ATRNL1: variants seen among roughly 807,000 people sequenced by gnomAD.
ATRNL1 encodes attractin-like protein 1.
ATRNL1 carries 95 observed loss-of-function variants against 182.7 expected under a neutral mutation model. That is an observed-to-expected ratio of 0.52 (90% CI 0.44 to 0.62). The LOEUF (loss-of-function observed/expected upper bound fraction) is 0.62, where lower values mean the gene tolerates loss of function less well. Ranked by LOEUF, ATRNL1 falls within the 20% of genes least tolerant of loss-of-function variation. ATRNL1 has a pLI of 0.00. For synonymous variants in ATRNL1, 576 were observed against 568.3 expected (o/e 1.01, Z -0.19); for missense variants, 1,471 against 1,679.5 (o/e 0.88, Z 2.17).
chr10:115,095,548 G>C (rs1016672173), intron 1 of ATRNL1, among the ~76,000 whole-genome samples: 1 of 151,998 alleles, frequency 6.6e-6, no homozygotes, highest in Admixed American at 6.6e-5. Context: ...TATGCAATAG[G>C]TTGAAATTTT....
Position 115,757,100 on chromosome 10 carries a change from G to C in ATRNL1, c.3903+29745G>C, listed in dbSNP as rs562148620. Among the ~76,000 whole-genome samples, 6 of 152,158 alleles carry C rather than the reference G, an allele frequency of 3.9e-5. No individual in the cohort carries two copies. The East Asian group carries it at 1.2e-3, about 29-fold the overall frequency. ...TGAATATAGCACACTAATGGGTCTT[G>C]ACTGTTTATCCAATTTGCCAGTCTG... On this transcript the variant is annotated intron_variant, in intron 27 of 28. Transcript: ENST00000355044.
intron 27 of ATRNL1, among the ~76,000 whole-genome samples, chr10:115,834,734 TC>T (rs1310811234): frequency 1.3e-5 from 2 of 152,064 alleles, no homozygotes; most frequent in Non-Finnish European, 2.9e-5. Flanking sequence ...CCTCACACCT[TC>T]CCCTACTACC....
chr10:115,385,144 T>C (rs1858262935), intron 19 of ATRNL1, among the ~76,000 whole-genome samples: 1 of 152,114 alleles, frequency 6.6e-6, no homozygotes, highest in South Asian at 2.1e-4. Context: ...TTCAAAGTAA[T>C]TGTATCATTG....
At chr10:115,181,755 C>T (rs550545530) in intron 8 of ATRNL1, among the ~76,000 whole-genome samples, 5 of 151,420 alleles carry the variant, frequency 3.3e-5, no homozygotes, top group East Asian at 3.9e-4. Context: ...TTGCGGTGCC[C>T]GAAGTATTTT....
chr10:115,628,340 T>A (rs782079737), intron 26 of ATRNL1, among the ~76,000 whole-genome samples: 2 of 152,246 alleles, frequency 1.3e-5, no homozygotes, highest in Admixed American at 6.5e-5. Flanking sequence ...ATGTTGAACA[T>A]CTTTTCATAT....
At chr10:115,433,503 A>G (rs1846259902) in intron 21 of ATRNL1, among the ~76,000 whole-genome samples, 2 of 152,160 alleles carry the variant, frequency 1.3e-5, no homozygotes, top group Admixed American at 1.3e-4. Flanking sequence ...CTAAATTCTT[A>G]TATTTACCAG....
At chr10:115,533,008 C>A (rs1414256491) in intron 25 of ATRNL1, among the ~76,000 whole-genome samples, 1 of 151,934 alleles carries the variant, frequency 6.6e-6, no homozygotes, top group South Asian at 2.1e-4. Context: ...CTGCTGGATT[C>A]GGTTTGCCAG....
intron 27 of ATRNL1, among the ~76,000 whole-genome samples, chr10:115,759,841 A>ATTTTTTTTTTTT (rs58578796): frequency 2.2e-3 from 139 of 62,680 alleles, no homozygotes; most frequent in African/African-American, 3.4e-3. Flanking sequence ...ACACCTGGCT[A>ATTTTTTTTTTTT]TTTTTTTTTT....
At chr10:115,233,933 TG>T (rs782323928) in intron 9 of ATRNL1, among the ~76,000 whole-genome samples, 16 of 151,614 alleles carry the variant, frequency 1.1e-4, no homozygotes, top group Non-Finnish European at 1.6e-4. Context: ...GATTTGCACA[TG>T]TTTTTTTTGA....
At chr10:115,255,670 C>G (rs1486288959) in intron 10 of ATRNL1, among the ~76,000 whole-genome samples, 1 of 152,154 alleles carries the variant, frequency 6.6e-6, no homozygotes, top group Non-Finnish European at 1.5e-5. Context: ...ACTTGCAACA[C>G]TATGTTGAAG....
At chr10:115,131,560 A>G (rs1443592196) in intron 5 of ATRNL1, among the ~76,000 whole-genome samples, 2 of 152,120 alleles carry the variant, frequency 1.3e-5, no homozygotes, top group African/African-American at 2.4e-5. Context: ...TTTATTTCAG[A>G]TATATATAGA....
intron 8 of ATRNL1, among the ~76,000 whole-genome samples, chr10:115,192,063 A>G (rs1185087869): frequency 6.6e-6 from 1 of 151,612 alleles, no homozygotes; most frequent in African/African-American, 2.4e-5. Flanking sequence ...CACTGTGTTG[A>G]TTGTTTCCTT....
chr10:115,911,538 C>T (rs1455458292), intron 28 of ATRNL1, among the ~76,000 whole-genome samples: 2 of 152,036 alleles, frequency 1.3e-5, no homozygotes, highest in African/African-American at 4.8e-5. Flanking sequence ...AGGCTGGTCC[C>T]GAACTCCTCA....
chr10:115,483,920 A>G (rs954779410), intron 24 of ATRNL1, among the ~76,000 whole-genome samples: 3 of 151,564 alleles, frequency 2.0e-5, no homozygotes, highest in African/African-American at 4.8e-5. Context: ...TTTTAGGCTA[A>G]TTGTTTGTGA....
In ATRNL1 at chr10:115,776,631, A is replaced by C. The variant is rs114029932; in HGVS notation, c.3903+49276A>C. Among the ~76,000 whole-genome samples, 355 of 149,134 alleles carry C rather than the reference A, an allele frequency of 2.4e-3. 4 individuals carry two copies. The highest frequency in any genetic ancestry group is 8.9e-3 in the African/African-American group (345 of 38,646). ...TTGAAACGAAGCTAGAGGCTCGTAC[A>C]TCTTAATGTTTGAAGAGACCTGTGT... is the stretch of plus-strand genomic sequence containing the variant. On this transcript the variant is annotated intron_variant, in intron 27 of 28. Coordinates refer to ENST00000355044, the MANE Select transcript of ATRNL1 (RefSeq NM_207303.4).
chr10:115,900,434 A>G (rs1173628491), intron 28 of ATRNL1, among the ~76,000 whole-genome samples: 1 of 152,258 alleles, frequency 6.6e-6, no homozygotes, highest in Admixed American at 6.5e-5. Flanking sequence ...AAAAGATTTC[A>G]TTTAAAAAAA....
At chr10:115,370,152 C>T (rs764575592) in intron 19 of ATRNL1, among the ~76,000 whole-genome samples, 2 of 152,196 alleles carry the variant, frequency 1.3e-5, no homozygotes, top group African/African-American at 2.4e-5. Flanking sequence ...GATTGTGAGG[C>T]CTCCCCAGCC....
At chr10:115,396,015 A>T (rs1444837255) in intron 20 of ATRNL1, among the ~76,000 whole-genome samples, 1 of 151,804 alleles carries the variant, frequency 6.6e-6, no homozygotes, top group African/African-American at 2.4e-5. Flanking sequence ...AAAAATTTAT[A>T]CCTAAAGTCT....
chr10:115,915,700 C>T (rs2134541939), intron 28 of ATRNL1, among the ~76,000 whole-genome samples: 1 of 152,234 alleles, frequency 6.6e-6, no homozygotes, highest in African/African-American at 2.4e-5. Context: ...AATGAAATCC[C>T]AGACTCCAAA....
Sources: gnomAD v4.1 joint callset for allele counts (sites outside exome capture counted in the v4.1 genomes callset) on GRCh38, gnomAD v4.1.1 for gene constraint, MANE v1.5 for transcripts, NCBI Gene and HGNC (gene_info 2026-07-23, HGNC 2026-07-21) for gene names.